PSD3: variants seen among roughly 807,000 people sequenced by gnomAD.
The protein encoded by PSD3 is PH and SEC7 domain-containing protein 3.
In PSD3, 49 loss-of-function variants were observed where a neutral mutation model predicts 105.5. That is an observed-to-expected ratio of 0.46 (90% CI 0.37 to 0.59). PSD3 has a LOEUF of 0.59. Among genes scored for constraint, PSD3 ranks in the 20% least tolerant of loss-of-function variants. PSD3 has a pLI of 0.00. For missense variants in PSD3, 1,561 were observed against 1,263.8 expected (o/e 1.24, Z -3.57); for synonymous variants, 557 against 457.8 (o/e 1.22, Z -2.77).
intron 9 of PSD3, among the ~76,000 whole-genome samples, chr8:18,674,778 G>A (rs1020513163): frequency 2.0e-5 from 3 of 152,162 alleles, no homozygotes; most frequent in African/African-American, 7.2e-5. Context: ...AGGCTGAGGT[G>A]GGAGAAGCAT....
At chr8:18,568,737 G>C (rs563322735) in intron 14 of PSD3, among the ~76,000 whole-genome samples, 3 of 151,544 alleles carry the variant, frequency 2.0e-5, no homozygotes, top group African/African-American at 7.3e-5. Context: ...TTAAGTTTTC[G>C]GGTACATGTG....
rs545355408 is a variant in PSD3, at chr8:18,859,757, T to TG, written c.1634+7916_1634+7917insC. On this transcript the variant is annotated intron_variant, in intron 4 of 15. Transcript: ENST00000327040. ...TTTGGCTGCAGCTCCCTCACCTGTC[T>TG]CAGCTTTCAGAGAATTGAAGAGAGT... 2.1e-3 allele frequency among the ~76,000 whole-genome samples: 317 copies of TG among 152,350 alleles called. 1 individual carries two copies. Among genetic ancestry groups the TG allele is most frequent in the African/African-American group, 7.2e-3 (299 of 41,580 alleles).
chr8:18,926,426 C>G (rs998899024), intron 2 of PSD3, among the ~76,000 whole-genome samples: 1 of 151,798 alleles, frequency 6.6e-6, no homozygotes. Context: ...TTCCAAAATT[C>G]AACAAAACCC....
intron 1 of PSD3, among the ~76,000 whole-genome samples, chr8:19,051,692 A>T (rs1828534951): frequency 6.6e-6 from 1 of 152,206 alleles, no homozygotes; most frequent in East Asian, 1.9e-4. Context: ...CTGATTTATA[A>T]CAAAGTTGGG....
At chr8:18,865,272 ATATATATATATATATTTTTTTTTT>A (rs1816822669) in intron 4 of PSD3, 1 of 2,186 alleles carries the variant, frequency 4.6e-4, no homozygotes, top group African/African-American at 1.7e-3. Flanking sequence ...ATATATATAT[ATATATATATATATATTTTTTTTTT>A]TTTTTTTTTT....
At chr8:19,050,699 A>AG (rs1216347936) in intron 1 of PSD3, among the ~76,000 whole-genome samples, 1 of 152,126 alleles carries the variant, frequency 6.6e-6, no homozygotes. Flanking sequence ...GGTGGTGGGA[A>AG]GGGGGAGGGA....
intron 1 of PSD3, among the ~76,000 whole-genome samples, chr8:19,003,149 T>C (rs1254122722): frequency 6.6e-6 from 1 of 151,950 alleles, no homozygotes; most frequent in Non-Finnish European, 1.5e-5. Context: ...AATCAGACTA[T>C]CCAATTCAAG....
intron 9 of PSD3, among the ~76,000 whole-genome samples, chr8:18,726,862 A>G (rs1391174840): frequency 6.6e-6 from 1 of 152,190 alleles, no homozygotes; most frequent in Non-Finnish European, 1.5e-5. Flanking sequence ...CACTATCCAG[A>G]CAGTCCACCA....
chr8:18,815,696 G>C (rs531351126), intron 4 of PSD3, among the ~76,000 whole-genome samples: 1 of 152,138 alleles, frequency 6.6e-6, no homozygotes, highest in Admixed American at 6.5e-5. Flanking sequence ...TTGGAACTGC[G>C]TATCTGTTCT....
At chr8:18,994,725 T>C (rs1419887332) in intron 1 of PSD3, among the ~76,000 whole-genome samples, 1 of 151,924 alleles carries the variant, frequency 6.6e-6, no homozygotes, top group Non-Finnish European at 1.5e-5. Flanking sequence ...TTTTTTAATG[T>C]GGCTACTAGA....
At chr8:18,804,992 C>T (rs540925275) in intron 4 of PSD3, 94 bp from the exon 5 acceptor site, 86 of 1,096,526 alleles carry the variant, frequency 7.8e-5, no homozygotes, top group Non-Finnish European at 9.8e-5. Flanking sequence ...TCTTTTAGTT[C>T]AGCTACACTT....
At chr8:18,850,609 A>G (rs1020689743) in intron 4 of PSD3, among the ~76,000 whole-genome samples, 5 of 152,194 alleles carry the variant, frequency 3.3e-5, no homozygotes, top group Admixed American at 6.5e-5. Flanking sequence ...TAAGTTATTT[A>G]AAAGGAGGCA....
At chr8:18,966,443 C>T (rs961066406) in intron 1 of PSD3, among the ~76,000 whole-genome samples, 2 of 151,878 alleles carry the variant, frequency 1.3e-5, no homozygotes, top group Non-Finnish European at 2.9e-5. Flanking sequence ...TGGTGGTGCA[C>T]GCCTGTAATC....
intron 1 of PSD3, among the ~76,000 whole-genome samples, chr8:19,069,891 T>A (rs1488663799): frequency 6.6e-6 from 1 of 152,152 alleles, no homozygotes; most frequent in African/African-American, 2.4e-5. Flanking sequence ...TTGCTATTTT[T>A]AGTTGCGAAA....
chr8:19,081,382 A>G (rs1300451230), intron 1 of PSD3, among the ~76,000 whole-genome samples: 1 of 152,198 alleles, frequency 6.6e-6, no homozygotes, highest in Non-Finnish European at 1.5e-5. Flanking sequence ...GTTACTTCCA[A>G]GGAAATTTTG....
chr8:18,830,000 C>G (rs1391633690), intron 4 of PSD3, among the ~76,000 whole-genome samples: 1 of 152,020 alleles, frequency 6.6e-6, no homozygotes, highest in Admixed American at 6.6e-5. Context: ...AGATGGAGTG[C>G]TTTGTCAGCG....
At chr8:18,999,062 A>G (rs1351426230) in intron 1 of PSD3, among the ~76,000 whole-genome samples, 4 of 152,042 alleles carry the variant, frequency 2.6e-5, no homozygotes, top group African/African-American at 9.7e-5. Flanking sequence ...ATTATTCAGG[A>G]GGGAAGCAGC....
chr8:19,001,310 G>A lies in PSD3; in HGVS notation c.21+12253C>T, dbSNP rs769379785. Among the ~76,000 whole-genome samples the A allele has an allele frequency of 4.0e-5, 6 of 151,730 alleles. No individual in the cohort carries two copies. The East Asian group carries it at 5.8e-4, about 15-fold the overall frequency. On this transcript the variant is annotated intron_variant, in intron 1 of 15. Coordinates refer to ENST00000327040, the MANE Select transcript of PSD3 (RefSeq NM_015310.4). ...GGGTCTCACTATGTTGCCCAGGCCCGTAGACTTTATTTATTAGAGTAGTTC... is the reference window on the plus strand; with the variant it reads ...GGGTCTCACTATGTTGCCCAGGCCCATAGACTTTATTTATTAGAGTAGTTC...
chr8:18,556,335 T>G lies in PSD3; in HGVS notation c.2802A>C (p.Ser934=). 1 of 1,612,516 alleles carries G rather than the reference T, an allele frequency of 6.2e-7. No homozygotes were observed. Among genetic ancestry groups the G allele is most frequent in the Non-Finnish European group, 8.5e-7 (1 of 1,179,556 alleles). ...TKLSQEEQLK[S]HESKLKQITT... ...TGATCTGCTTCAGCTTACTTTCATG[T>G]GACTTCAGTTGCTCCTCCTGCAGGA... Residue 934 remains serine (S), a synonymous_variant, in exon 15 of 16, where the codon TCA becomes TCC. Coordinates refer to ENST00000327040, the MANE Select transcript of PSD3 (RefSeq NM_015310.4).
Sources: allele counts gnomAD v4.1 joint callset (sites outside exome capture counted in the v4.1 genomes callset), GRCh38; gene constraint gnomAD v4.1.1; transcripts MANE v1.5; gene names NCBI Gene and HGNC (gene_info 2026-07-23, HGNC 2026-07-21).